The following ZNF236 variants were observed in gnomAD, a reference collection of about 807,000 sequenced individuals.
ZNF236 encodes the protein regulated by glucose.
Under a neutral mutation model 191.2 loss-of-function variants are expected in ZNF236, and 50 were observed. That is an observed-to-expected ratio of 0.26 (90% CI 0.21 to 0.33). The LOEUF is 0.33. Among genes scored for constraint, ZNF236 ranks in the 10% least tolerant of loss-of-function variants. ZNF236 has a pLI of 1.00. For missense variants in ZNF236, 1,754 were observed against 2,374.5 expected (o/e 0.74, Z 5.43); for synonymous variants, 907 against 928.8 (o/e 0.98, Z 0.43).
chr18:76,926,728 CAT>C (rs1491060195), intron 22 of ZNF236, among the ~76,000 whole-genome samples: 140 of 2,650 alleles, frequency 0.053, 3 homozygotes, highest in African/African-American at 0.13. Context: ...GTGATTAGAC[CAT>C]GTGTGTGTAT....
chr18:76,892,132 CT>C lies in ZNF236; in HGVS notation c.1418-2867del, dbSNP rs372766199. ...AGGGTATGCATTTCCATTAATTTAT[CT>C]TTTTTTTTTTTTTCTTTTTGAAATT... is the stretch of plus-strand genomic sequence containing the variant. On this transcript the variant is annotated intron_variant, in intron 9 of 30. Coordinates refer to ENST00000320610, the MANE Select transcript of ZNF236 (RefSeq NM_001306089.2). Among the ~76,000 whole-genome samples the C allele has an allele frequency of 4.4e-3, 255 of 58,536 alleles. 2 individuals carry two copies. Among genetic ancestry groups the C allele is most frequent in the South Asian group, 0.02 (36 of 1,804 alleles). 38.4% of individuals were successfully genotyped at this position (58,536 alleles called of 152,430 possible). A position where few individuals can be genotyped will look rare whatever the true frequency, so the allele number is the denominator to read the frequency against.
At chr18:76,863,942 G>A (rs1287353815) in intron 3 of ZNF236, among the ~76,000 whole-genome samples, 1 of 152,186 alleles carries the variant, frequency 6.6e-6, no homozygotes, top group Non-Finnish European at 1.5e-5. Flanking sequence ...CGTGGAGAGT[G>A]TTTTTGGATG....
intron 20 of ZNF236, among the ~76,000 whole-genome samples, chr18:76,921,056 A>G (rs1967518722): frequency 6.6e-6 from 1 of 152,182 alleles, no homozygotes; most frequent in African/African-American, 2.4e-5. Context: ...CAGAAAACCA[A>G]AGGGTGTGTT....
In ZNF236 at chr18:76,876,856, T is replaced by G. The variant is rs149657297; in HGVS notation, c.841-1153T>G. The stretch of plus-strand genomic sequence containing the variant: ...AGGTACTTGTCAGTACTCCTGAGTT[T>G]AGAAAACTCCCCCTATGCTAAAGGG... On this transcript the variant is annotated intron_variant, in intron 6 of 30. Transcript: ENST00000320610. Among the ~76,000 whole-genome samples the G allele has an allele frequency of 5.4e-3, 822 of 152,344 alleles. 3 individuals are homozygous for G. The highest frequency in any genetic ancestry group is 8.4e-3 in the Admixed American group (128 of 15,310).
At chr18:76,851,702 AT>A (rs1211220972) in intron 2 of ZNF236, 72 bp from the exon 3 acceptor site, 42 of 1,478,526 alleles carry the variant, frequency 2.8e-5, no homozygotes, top group Non-Finnish European at 3.6e-5. Context: ...ACTTGTTAAT[AT>A]TTTCATTTAT....
intron 13 of ZNF236, among the ~76,000 whole-genome samples, chr18:76,906,275 G>A (rs962611126): frequency 8.5e-5 from 13 of 152,350 alleles, no homozygotes; most frequent in African/African-American, 3.1e-4. Flanking sequence ...GCTTAGCTGA[G>A]AAATTTACCT....
At chr18:76,865,330 T>TC (rs1976376970) in intron 3 of ZNF236, among the ~76,000 whole-genome samples, 1 of 151,890 alleles carries the variant, frequency 6.6e-6, no homozygotes, top group Admixed American at 6.6e-5. Context: ...AGAGTGAAAC[T>TC]CCATCAAAAA....
chr18:76,869,228 G>A (rs1223516607), intron 4 of ZNF236, among the ~76,000 whole-genome samples: 2 of 152,172 alleles, frequency 1.3e-5, no homozygotes, highest in African/African-American at 4.8e-5. Flanking sequence ...ACTCATATGT[G>A]CCTGACACTG....
intron 3 of ZNF236, among the ~76,000 whole-genome samples, chr18:76,860,494 T>G (rs561458081): frequency 3.4e-4 from 52 of 152,246 alleles, no homozygotes; most frequent in Non-Finnish European, 6.2e-4. Context: ...TCGTCCTGTT[T>G]TCTCTTCCAC....
chr18:76,966,696 C>CT (rs1363692927), intron 30 of ZNF236, among the ~76,000 whole-genome samples: 4 of 152,148 alleles, frequency 2.6e-5, no homozygotes, highest in African/African-American at 4.8e-5. Context: ...ACACGTGGGC[C>CT]TTGGTTTCTC....
At chr18:76,833,986 T>C (rs1004639470) in intron 1 of ZNF236, among the ~76,000 whole-genome samples, 1 of 152,204 alleles carries the variant, frequency 6.6e-6, no homozygotes, top group African/African-American at 2.4e-5. Flanking sequence ...CCACCATGAC[T>C]TGGCCTTTTG....
intron 21 of ZNF236, 145 bp downstream of exon 21, chr18:76,923,319 A>AT (rs1195908661): frequency 2.0e-5 from 11 of 561,066 alleles, no homozygotes; most frequent in Middle Eastern, 3.6e-4. Flanking sequence ...GATATAAAAG[A>AT]TTTTTTTATT....
intron 25 of ZNF236, 83 bp from the exon 26 acceptor site, chr18:76,937,073 G>C: frequency 7.7e-7 from 1 of 1,303,914 alleles, no homozygotes; most frequent in Non-Finnish European, 1.1e-6. Context: ...CTTCCTGCAG[G>C]TGGGAGCATC....
rs188391924 is a variant in ZNF236, at chr18:76,960,058, G to A, written c.5242+242G>A. ...AACAGAAGCATCAGGCAAGCCTCCC[G>A]TGCCGTGTCTGGGATGTTGACCATG... On this transcript the variant is annotated intron_variant, in intron 29 of 30. Transcript: ENST00000320610. This position sits in a 1 kb window ranked among gnomAD's most constrained non-coding sequence, Gnocchi z 4.4. Among the ~76,000 whole-genome samples, 114 of 152,226 alleles carry A rather than the reference G, an allele frequency of 7.5e-4. No individual in the cohort carries two copies. The highest frequency in any genetic ancestry group is 2.5e-3 in the African/African-American group (104 of 41,536).
chr18:76,859,227 A>C (rs1213249674), intron 3 of ZNF236, among the ~76,000 whole-genome samples: 1 of 17,342 alleles, frequency 5.8e-5, no homozygotes, highest in African/African-American at 2.3e-4. Context: ...GGTGGAGGAG[A>C]AAGGGGGAGA....
intron 15 of ZNF236, among the ~76,000 whole-genome samples, chr18:76,910,442 C>T (rs779161873): frequency 2.0e-5 from 3 of 152,146 alleles, no homozygotes; most frequent in Non-Finnish European, 4.4e-5. Flanking sequence ...TTCGTGGTGG[C>T]TGGTCCTGTA....
intron 1 of ZNF236, among the ~76,000 whole-genome samples, chr18:76,838,539 A>G (rs898519500): frequency 4.6e-5 from 7 of 152,168 alleles, no homozygotes; most frequent in Non-Finnish European, 4.4e-5. Context: ...GTCAAGGGTC[A>G]GGTGGTAAAT....
chr18:76,959,306 A>C (rs1004398523), intron 28 of ZNF236, among the ~76,000 whole-genome samples: 1 of 152,170 alleles, frequency 6.6e-6, no homozygotes, highest in African/African-American at 2.4e-5. Context: ...TCGTGTGTGA[A>C]ACGGGGACAG....
At chr18:76,889,673 T>C (rs952795860) in intron 9 of ZNF236, among the ~76,000 whole-genome samples, 3 of 152,196 alleles carry the variant, frequency 2.0e-5, no homozygotes, top group African/African-American at 7.2e-5. Flanking sequence ...AGCTGACCAA[T>C]AATAAGTGTT....
Sources: gnomAD v4.1 joint callset for allele counts (sites outside exome capture counted in the v4.1 genomes callset) on GRCh38, gnomAD v4.1.1 for gene constraint, Gnocchi (gnomAD v3.1) non-coding constraint, MANE v1.5 for transcripts, NCBI Gene and HGNC (gene_info 2026-07-23, HGNC 2026-07-21) for gene names.